The following DPH6 variants were observed in gnomAD, a reference collection of about 807,000 sequenced individuals.
DPH6 encodes diphthine--ammonia ligase.
Under a neutral mutation model 38.2 loss-of-function variants are expected in DPH6, and 33 were observed. The ratio of observed to expected loss-of-function variants is 0.86; its 90% CI spans 0.65 to 1.15. DPH6 has a LOEUF of 1.15. Ranked by LOEUF, DPH6 falls within the 50% of genes most tolerant of loss-of-function variation. The pLI is 0.00. For missense variants in DPH6, 325 were observed against 320.0 expected (o/e 1.02, Z -0.12); for synonymous variants, 108 against 103.0 (o/e 1.05, Z -0.30).
intron 3 of DPH6, among the ~76,000 whole-genome samples, chr15:35,304,586 T>G (rs1376331841): frequency 6.6e-6 from 1 of 152,112 alleles, no homozygotes; most frequent in Admixed American, 6.5e-5. Context: ...CAAATCCAGT[T>G]ATCAATTCAT....
rs950716290 is a variant in DPH6, at chr15:35,365,719, G to A, written n.207+7802C>T. On this transcript the variant is annotated intron_variant and non_coding_transcript_variant, in intron 3 of 3. Coordinates refer to the DPH6 transcript ENST00000558973. Reference sequence around the variant, plus strand: ...TTCCCAACACAAATGATATCATCACGGTATGGCGTTGCTACTACCAAAGTC... The same window carrying A: ...TTCCCAACACAAATGATATCATCACAGTATGGCGTTGCTACTACCAAAGTC... 8.8e-6 allele frequency: 8 copies of A among 906,064 alleles called. No homozygotes were observed. The African/African-American group carries it at 1.1e-4, about 12-fold the overall frequency. The allele number at this position is 906,064 out of a possible 1,614,324, so 56.1% of individuals were successfully genotyped here. A position where few individuals can be genotyped will look rare whatever the true frequency, so the allele number is the denominator to read the frequency against.
chr15:35,518,798 C>T (rs938312942), intron 3 of DPH6, among the ~76,000 whole-genome samples: 13 of 151,896 alleles, frequency 8.6e-5, no homozygotes, highest in African/African-American at 2.9e-4. Flanking sequence ...TTTACTTTCC[C>T]ACTGTGGTTT....
At chr15:35,508,723 G>A (rs1305265491) in intron 3 of DPH6, among the ~76,000 whole-genome samples, 2 of 152,006 alleles carry the variant, frequency 1.3e-5, no homozygotes, top group Admixed American at 1.3e-4. Context: ...AGATAAAATC[G>A]CTAAATCATG....
intron 6 of DPH6, among the ~76,000 whole-genome samples, chr15:35,389,462 C>A (rs2053020690): frequency 6.6e-6 from 1 of 152,006 alleles, no homozygotes; most frequent in African/African-American, 2.4e-5. Context: ...CCCATTATTA[C>A]TGTGTGGGAG....
At chr15:35,261,832 T>TAAAAAAAAAAAAAA in intron 3 of DPH6, among the ~76,000 whole-genome samples, 1 of 146,972 alleles carries the variant, frequency 6.8e-6, no homozygotes, top group South Asian at 2.2e-4. Flanking sequence ...GACCCTCTCT[T>TAAAAAAAAAAAAAA]AAAAAAAAAA....
intron 3 of DPH6, among the ~76,000 whole-genome samples, chr15:35,243,282 T>G (rs2051613069): frequency 7.1e-6 from 1 of 141,812 alleles, no homozygotes; most frequent in African/African-American, 2.6e-5. Flanking sequence ...CTAATACCGC[T>G]TGAAGCAGCC....
intron 3 of DPH6, among the ~76,000 whole-genome samples, chr15:35,320,584 T>C (rs567013754): frequency 6.6e-6 from 1 of 152,324 alleles, no homozygotes; most frequent in Non-Finnish European, 1.5e-5. Context: ...ATAGCTGGCT[T>C]CCCAGACACA....
In DPH6 at chr15:35,410,925, A is replaced by G; in HGVS notation, c.506-29T>C. 1.9e-6 allele frequency: 3 copies of G among 1,591,544 alleles called. No individual in the cohort carries two copies. The East Asian group carries it at 6.8e-5, about 36-fold the overall frequency. On this transcript the variant is annotated intron_variant, in intron 5 of 8. Coordinates refer to ENST00000256538, the MANE Select transcript of DPH6 (RefSeq NM_080650.4). ...CCAAGAAAGGTTACATTTTTTAAAG[A>G]TAACTATCAGATAGGAACTTTAAAG...
intron 3 of DPH6, among the ~76,000 whole-genome samples, chr15:35,317,356 G>GAGAA (rs373055617): frequency 1.4e-5 from 2 of 140,920 alleles, no homozygotes; most frequent in African/African-American, 2.6e-5. Context: ...AAAAGAAAGA[G>GAGAA]AGAAAGAAAG....
intron 3 of DPH6, among the ~76,000 whole-genome samples, chr15:35,488,994 T>A (rs200606520): frequency 6.6e-6 from 1 of 151,144 alleles, no homozygotes; most frequent in Non-Finnish European, 1.5e-5. Context: ...AAAAAAAAAA[T>A]GCTGAACAGA....
At chr15:35,191,743 A>G in the DPH6 span, among the ~76,000 whole-genome samples, 14 of 152,266 alleles carry the variant, frequency 9.2e-5, no homozygotes, top group East Asian at 2.7e-3. Context: ...CCTGAGAAAA[A>G]CAACCCTCAG....
At chr15:35,423,669 T>C (rs997678577) in intron 5 of DPH6, among the ~76,000 whole-genome samples, 2 of 151,770 alleles carry the variant, frequency 1.3e-5, no homozygotes, top group African/African-American at 4.8e-5. Context: ...TTTTACATTT[T>C]TGGGTCTTGC....
At chr15:35,388,104 T>G (rs958331026) in intron 6 of DPH6, among the ~76,000 whole-genome samples, 3 of 152,264 alleles carry the variant, frequency 2.0e-5, no homozygotes, top group Non-Finnish European at 2.9e-5. Context: ...AATAATCATG[T>G]GCTTATTGTC....
In DPH6 at chr15:35,282,573, A is replaced by T. The variant is rs1229768329; in HGVS notation, n.201-61991T>A. 3 of 322,480 alleles carry T rather than the reference A, an allele frequency of 9.3e-6. No homozygotes were observed. The Admixed American group carries it at 1.0e-4, about 11-fold the overall frequency. 20.0% of individuals were successfully genotyped at this position (322,480 alleles called of 1,614,324 possible). Reference sequence around the variant, plus strand: ...CACTGTGCCAACCCTTCAGATCTCAATGAGGCTGGGTGATGCTCCAGAATG... The same window carrying T: ...CACTGTGCCAACCCTTCAGATCTCATTGAGGCTGGGTGATGCTCCAGAATG... On this transcript the variant is annotated intron_variant and non_coding_transcript_variant, in intron 3 of 3. Coordinates refer to the DPH6 transcript ENST00000560386.
intron 3 of DPH6, chr15:35,237,267 G>T (rs1280581073): frequency 6.8e-7 from 1 of 1,465,542 alleles, no homozygotes; most frequent in Non-Finnish European, 9.5e-7. Flanking sequence ...GCTAAAACGC[G>T]CGGCCGTGTT....
At chr15:35,162,295 C>T in the DPH6 span, among the ~76,000 whole-genome samples, 1 of 151,950 alleles carries the variant, frequency 6.6e-6, no homozygotes, top group South Asian at 2.1e-4. Flanking sequence ...TGAAATCGTT[C>T]ATGGCATCCC....
At chr15:35,355,329 T>C (rs1039434321) in intron 3 of DPH6, among the ~76,000 whole-genome samples, 23 of 152,216 alleles carry the variant, frequency 1.5e-4, no homozygotes, top group African/African-American at 4.8e-4. Flanking sequence ...CCTGTCATTA[T>C]GATGTTAGGT....
chr15:35,266,004 T>C (rs749288344), intron 3 of DPH6, among the ~76,000 whole-genome samples: 1 of 152,194 alleles, frequency 6.6e-6, no homozygotes, highest in African/African-American at 2.4e-5. Flanking sequence ...CCAGGACACA[T>C]GTTCTTACAT....
At chr15:35,374,634 C>G (rs977641962) in intron 7 of DPH6, among the ~76,000 whole-genome samples, 1 of 152,002 alleles carries the variant, frequency 6.6e-6, no homozygotes, top group South Asian at 2.1e-4. Context: ...CCTTTAGTAT[C>G]AAATATGTAT....
Sources: allele counts gnomAD v4.1 joint callset (sites outside exome capture counted in the v4.1 genomes callset), GRCh38; gene constraint gnomAD v4.1.1; transcripts MANE v1.5; gene names NCBI Gene and HGNC (gene_info 2026-07-23, HGNC 2026-07-21).